Variants in MBOAT1 observed in about 807,000 individuals in gnomAD.
MBOAT1 encodes membrane bound glycerophospholipid O-acyltransferase 1, also known as membrane-bound glycerophospholipid O-acyltransferase 1.
A neutral mutation model predicts 64.4 loss-of-function variants in MBOAT1; 67 were observed. The observed-to-expected ratio is 1.04, with a 90% confidence interval of 0.85 to 1.27. MBOAT1 has a LOEUF of 1.27. Ranked by LOEUF, MBOAT1 falls within the 50% of genes most tolerant of loss-of-function variation. The pLI is 0.00. For synonymous variants in MBOAT1, 229 were observed against 218.9 expected, an observed-to-expected ratio of 1.05 and a Z score of -0.41; for missense variants, 563 against 604.6, an observed-to-expected ratio of 0.93 and a Z score of 0.72.
At chr6:20,109,773 T>C (rs1439266020) in intron 11 of MBOAT1, 24 bp from the exon 12 acceptor site, 4 of 1,603,134 alleles carry the variant, frequency 2.5e-6, no homozygotes, top group Admixed American at 1.7e-5. Context: ...CAGGCAACAG[T>C]AGTGAGGAGG....
At position 20,118,458 on chromosome 6, in the gene MBOAT1, G is replaced by C; in HGVS notation, c.990C>G (p.Asn330Lys). The C allele has an allele frequency of 6.2e-7, 1 of 1,613,910 alleles. No individual in the cohort carries two copies. The highest frequency in any genetic ancestry group is 8.5e-7 in the Non-Finnish European group (1 of 1,179,924). ...NGNFCWDLLS[N>K]LNIWKIETAT... Reference sequence around the variant, plus strand: ...TCACCTCAATTTTCCAGATGTTTAGGTTCGAAAGCAGATCCCAACAGAAAT... The same window carrying C: ...TCACCTCAATTTTCCAGATGTTTAGCTTCGAAAGCAGATCCCAACAGAAAT... Residue 330 changes from asparagine to lysine, a missense_variant, in exon 9 of 13, where the codon AAC (asparagine) becomes AAG (lysine). By Grantham distance (94) the Asn-to-Lys change is moderately conservative (BLOSUM62 0). Coordinates refer to ENST00000324607, the MANE Select transcript of MBOAT1 (RefSeq NM_001080480.3).
chr6:20,148,080 G>T (rs1940087991), intron 3 of MBOAT1, among the ~76,000 whole-genome samples: 1 of 152,328 alleles, frequency 6.6e-6, no homozygotes, highest in South Asian at 2.1e-4. Context: ...AACACAGGGG[G>T]TATCCCCAAA....
At chr6:20,133,033 A>G (rs1759345519) in intron 4 of MBOAT1, among the ~76,000 whole-genome samples, 1 of 152,236 alleles carries the variant, frequency 6.6e-6, no homozygotes, top group Admixed American at 6.5e-5. Flanking sequence ...AATAAGATAA[A>G]CTATTTTAAA....
chr6:20,118,224 T>G (rs1335132754), intron 9 of MBOAT1, among the ~76,000 whole-genome samples: 3 of 151,212 alleles, frequency 2.0e-5, no homozygotes, highest in Non-Finnish European at 2.9e-5. Flanking sequence ...CTTGAACCAT[T>G]AGAACTGTCA....
At chr6:20,145,872 T>G (rs1433581918) in intron 3 of MBOAT1, among the ~76,000 whole-genome samples, 1 of 152,210 alleles carries the variant, frequency 6.6e-6, no homozygotes, top group East Asian at 1.9e-4. Flanking sequence ...CTTGGCTTGG[T>G]CTTACTCCAT....
intron 11 of MBOAT1, among the ~76,000 whole-genome samples, chr6:20,110,673 T>C (rs1760112352): frequency 6.6e-6 from 1 of 152,196 alleles, no homozygotes; most frequent in African/African-American, 2.4e-5. Context: ...ATCCAAGCTT[T>C]TTCTATTCAT....
At chr6:20,181,539 C>T (rs1762508989) in intron 1 of MBOAT1, among the ~76,000 whole-genome samples, 1 of 152,182 alleles carries the variant, frequency 6.6e-6, no homozygotes, top group South Asian at 2.1e-4. Context: ...ATAAAAATTC[C>T]CAGAGAGCCT....
At chr6:20,123,362 G>GAC (rs937963025) in intron 8 of MBOAT1, among the ~76,000 whole-genome samples, 2 of 152,176 alleles carry the variant, frequency 1.3e-5, no homozygotes, top group Non-Finnish European at 2.9e-5. Flanking sequence ...TTGCAGCTAA[G>GAC]ACACACAACT....
chr6:20,139,654 A>G (rs141596179), intron 4 of MBOAT1, among the ~76,000 whole-genome samples: 2,586 of 147,002 alleles, frequency 0.018, 85 homozygotes, highest in African/African-American at 0.061. Flanking sequence ...CCTGGGCTCA[A>G]GCGATCCTTC....
At chr6:20,166,927 A>AAT (rs1762031326) in intron 1 of MBOAT1, among the ~76,000 whole-genome samples, 1 of 152,160 alleles carries the variant, frequency 6.6e-6, no homozygotes, top group South Asian at 2.1e-4. Context: ...TGACAGAGTG[A>AAT]GACCCTGTCA....
chr6:20,106,192 CAG>C (rs1447671744), intron 12 of MBOAT1, among the ~76,000 whole-genome samples: 1 of 152,218 alleles, frequency 6.6e-6, no homozygotes, highest in African/African-American at 2.4e-5. Context: ...ATTTCTTCGC[CAG>C]ATTCAGGGAT....
intron 12 of MBOAT1, among the ~76,000 whole-genome samples, chr6:20,106,043 A>T (rs926733578): frequency 6.6e-6 from 1 of 152,224 alleles, no homozygotes; most frequent in Non-Finnish European, 1.5e-5. Flanking sequence ...TGAAATTTCA[A>T]TGTTAAGCAA....
rs75370276 is a variant in MBOAT1, at chr6:20,118,644, G to C, written c.908-104C>G. On this transcript the variant is annotated intron_variant, in intron 8 of 12. Coordinates refer to ENST00000324607, the MANE Select transcript of MBOAT1 (RefSeq NM_001080480.3). ...TAGCTTCAAGATGGAGAAATATGCA[G>C]TAGTGTCTTTGGAAAAGGAACCCCA... is the stretch of plus-strand genomic sequence containing the variant. The C allele has an allele frequency of 6.2e-3, 5,421 of 873,824 alleles. 88 individuals are homozygous for C. The highest frequency in any genetic ancestry group is 0.036 in the South Asian group (2,203 of 60,976). The allele number at this position is 873,824 out of a possible 1,614,324, so 54.1% of individuals were successfully genotyped here.
At chr6:20,152,505 T>C in intron 2 of MBOAT1, 119 bp downstream of exon 2, 1 of 1,073,502 alleles carries the variant, frequency 9.3e-7, no homozygotes, top group Non-Finnish European at 1.3e-6. Flanking sequence ...ATTTACAATA[T>C]AAAATTTTAC....
chr6:20,175,878 ACGGGCATGAGTCACTGCATC>A (rs200969081), intron 1 of MBOAT1, among the ~76,000 whole-genome samples: 3,865 of 152,276 alleles, frequency 0.025, 69 homozygotes, highest in South Asian at 0.041. Context: ...TGCTAGGATC[ACGGGCATGAGTCACTGCATC>A]CAGCCAATGC....
intron 1 of MBOAT1, among the ~76,000 whole-genome samples, chr6:20,176,635 A>T (rs1482940071): frequency 6.6e-6 from 1 of 151,860 alleles, no homozygotes; most frequent in Non-Finnish European, 1.5e-5. Flanking sequence ...CTAATTTTTA[A>T]TTTTTTTTGA....
chr6:20,156,285 A>T (rs1472442575), intron 1 of MBOAT1, among the ~76,000 whole-genome samples: 2 of 151,976 alleles, frequency 1.3e-5, no homozygotes, highest in Non-Finnish European at 2.9e-5. Context: ...AAAAAAAAAA[A>T]AAATTAATGT....
intron 1 of MBOAT1, among the ~76,000 whole-genome samples, chr6:20,191,625 A>C (rs1412853394): frequency 6.6e-6 from 1 of 152,190 alleles, no homozygotes; most frequent in Non-Finnish European, 1.5e-5. Flanking sequence ...CTGCCACAGT[A>C]TCACCTACTG....
intron 1 of MBOAT1, among the ~76,000 whole-genome samples, chr6:20,165,151 C>T (rs1761978984): frequency 6.6e-6 from 1 of 152,110 alleles, no homozygotes; most frequent in South Asian, 2.1e-4. Context: ...ATAAAATAGA[C>T]AAGAGAAGCT....
Sources: gnomAD v4.1 joint callset for allele counts (sites outside exome capture counted in the v4.1 genomes callset) on GRCh38, gnomAD v4.1.1 for gene constraint, MANE v1.5 for transcripts, NCBI Gene and HGNC (gene_info 2026-07-23, HGNC 2026-07-21) for gene names.